The following GPC6 variants were observed in gnomAD, a reference collection of about 807,000 sequenced individuals.
GPC6 encodes the protein glypican 6.
GPC6 carries 14 observed loss-of-function variants against 55.2 expected under a neutral mutation model. That is an observed-to-expected ratio of 0.25 (90% CI 0.17 to 0.40). GPC6 has a LOEUF of 0.40. Ranked by LOEUF, GPC6 falls within the 10% of genes least tolerant of loss-of-function variation. The pLI, the probability that GPC6 is intolerant of heterozygous loss-of-function variation, is 1.00. For synonymous variants in GPC6, 278 were observed against 259.6 expected, an observed-to-expected ratio of 1.07 and a Z score of -0.68; for missense variants, 641 against 708.5, an observed-to-expected ratio of 0.90 and a Z score of 1.08.
In GPC6 at chr13:93,850,944, T is replaced by C. The variant is rs1420042326; in HGVS notation, c.711+20399T>C. ...CACCTCTGAGCATTTAGATCTGCCT[T>C]GGAAGGGGTTGGCCAATTAATGCAC... On this transcript the variant is annotated intron_variant, in intron 3 of 8. Transcript: ENST00000377047. Among the ~76,000 whole-genome samples the C allele has an allele frequency of 2.6e-5, 4 of 151,938 alleles. No individual in the cohort carries two copies. In the East Asian group the frequency reaches 7.8e-4, roughly 29 times the overall value.
At chr13:93,815,241 T>G (rs1051539488) in intron 2 of GPC6, among the ~76,000 whole-genome samples, 1 of 152,154 alleles carries the variant, frequency 6.6e-6, no homozygotes, top group Non-Finnish European at 1.5e-5. Flanking sequence ...AAACATCCAC[T>G]AAAGTGTGAA....
At chr13:93,383,603 T>C (rs969401485) in intron 1 of GPC6, among the ~76,000 whole-genome samples, 3 of 152,218 alleles carry the variant, frequency 2.0e-5, no homozygotes, top group Non-Finnish European at 2.9e-5. Flanking sequence ...AGTTTAATAC[T>C]GACCTTCTGA....
At chr13:93,485,110 C>T (rs1181701057) in intron 1 of GPC6, among the ~76,000 whole-genome samples, 2 of 152,054 alleles carry the variant, frequency 1.3e-5, no homozygotes, top group Non-Finnish European at 2.9e-5. Context: ...TGGAGAAGAA[C>T]AACAGTAATG....
intron 1 of GPC6, among the ~76,000 whole-genome samples, chr13:93,414,456 C>G (rs1025092889): frequency 9.2e-5 from 14 of 152,130 alleles, no homozygotes; most frequent in African/African-American, 3.4e-4. Flanking sequence ...TGCACAAATT[C>G]AGCAATACGA....
At chr13:93,256,858 G>A (rs1158938733) in intron 1 of GPC6, among the ~76,000 whole-genome samples, 6 of 152,162 alleles carry the variant, frequency 3.9e-5, no homozygotes, top group Non-Finnish European at 8.8e-5. Flanking sequence ...TGAGACTGAT[G>A]TTGAGATGTT....
intron 2 of GPC6, among the ~76,000 whole-genome samples, chr13:93,546,235 G>T (rs1166705202): frequency 6.6e-6 from 1 of 152,084 alleles, no homozygotes; most frequent in Non-Finnish European, 1.5e-5. Context: ...TGGCTCCGTT[G>T]GTCCTACAAC....
intron 2 of GPC6, among the ~76,000 whole-genome samples, chr13:93,553,273 A>G (rs1875259261): frequency 6.6e-6 from 1 of 152,206 alleles, no homozygotes; most frequent in Admixed American, 6.5e-5. Flanking sequence ...ATAAGATAGT[A>G]AAGCCATAAG....
chr13:93,444,436 G>A (rs983458280), intron 1 of GPC6, among the ~76,000 whole-genome samples: 6 of 151,960 alleles, frequency 3.9e-5, no homozygotes, highest in Non-Finnish European at 7.4e-5. Flanking sequence ...GTGAAACTTC[G>A]TCCCTACTAA....
chr13:94,314,638 T>C (rs985301366), intron 6 of GPC6, among the ~76,000 whole-genome samples: 7 of 152,246 alleles, frequency 4.6e-5, no homozygotes, highest in Admixed American at 1.3e-4. Flanking sequence ...TATTAAATTA[T>C]TGAATAGATT....
intron 4 of GPC6, among the ~76,000 whole-genome samples, chr13:94,210,363 G>C (rs1412868879): frequency 6.6e-6 from 1 of 150,938 alleles, no homozygotes; most frequent in African/African-American, 2.4e-5. Context: ...CACTATGTTA[G>C]CCAGGCTGGT....
intron 1 of GPC6, among the ~76,000 whole-genome samples, chr13:93,329,000 GA>G (rs752939898): frequency 6.6e-6 from 1 of 152,150 alleles, no homozygotes; most frequent in Non-Finnish European, 1.5e-5. Context: ...AGACCAGGGT[GA>G]GGTTGTTGGA....
chr13:94,132,113 G>A (rs1311325806), intron 4 of GPC6, among the ~76,000 whole-genome samples: 3 of 152,070 alleles, frequency 2.0e-5, no homozygotes, highest in Non-Finnish European at 2.9e-5. Flanking sequence ...CAGAGCGCAC[G>A]GAGGCCATGA....
chr13:93,782,031 A>G (rs920845325), intron 2 of GPC6, among the ~76,000 whole-genome samples: 3 of 152,138 alleles, frequency 2.0e-5, no homozygotes, highest in African/African-American at 7.2e-5. Context: ...GATACAACAG[A>G]TCTCTTGAAC....
At chr13:94,371,311 T>A (rs1879531551) in intron 6 of GPC6, among the ~76,000 whole-genome samples, 1 of 152,142 alleles carries the variant, frequency 6.6e-6, no homozygotes, top group Admixed American at 6.5e-5. Flanking sequence ...ACATTGAATC[T>A]CTTGCACACC....
intron 2 of GPC6, among the ~76,000 whole-genome samples, chr13:93,772,992 G>A (rs558656845): frequency 6.6e-6 from 1 of 152,264 alleles, no homozygotes; most frequent in South Asian, 2.1e-4. Context: ...TCTCTACCAT[G>A]TTCCCGGTGG....
At chr13:93,649,124 A>T (rs1880299443) in intron 2 of GPC6, among the ~76,000 whole-genome samples, 1 of 152,158 alleles carries the variant, frequency 6.6e-6, no homozygotes, top group Non-Finnish European at 1.5e-5. Context: ...TAGGTAAAAA[A>T]CATCAGCCAT....
chr13:93,751,216 G>A (rs1333662924), intron 2 of GPC6, among the ~76,000 whole-genome samples: 1 of 152,136 alleles, frequency 6.6e-6, no homozygotes, highest in Non-Finnish European at 1.5e-5. Context: ...GAGGAAGCAA[G>A]CCTGTATGGA....
intron 4 of GPC6, among the ~76,000 whole-genome samples, chr13:94,186,150 A>G (rs2138954799): frequency 6.6e-6 from 1 of 151,852 alleles, no homozygotes; most frequent in African/African-American, 2.4e-5. Flanking sequence ...AACTGAAAAG[A>G]GGTAAAGGGT....
intron 6 of GPC6, among the ~76,000 whole-genome samples, chr13:94,381,016 G>T (rs1426492036): frequency 6.6e-6 from 1 of 152,146 alleles, no homozygotes; most frequent in Non-Finnish European, 1.5e-5. Context: ...CTGCCTAAGT[G>T]ATGTGTCCAT....
Sources: gnomAD v4.1 joint callset for allele counts (sites outside exome capture counted in the v4.1 genomes callset) on GRCh38, gnomAD v4.1.1 for gene constraint, MANE v1.5 for transcripts, NCBI Gene and HGNC (gene_info 2026-07-23, HGNC 2026-07-21) for gene names.